Variants in MAGI2 observed in about 807,000 individuals in gnomAD.
The protein encoded by MAGI2 is membrane associated guanylate kinase, WW and PDZ domain containing 2, also known as membrane-associated guanylate kinase, WW and PDZ domain-containing protein 2.
Under a neutral mutation model 133.3 loss-of-function variants are expected in MAGI2, and 35 were observed. The ratio of observed to expected loss-of-function variants is 0.26; its 90% CI spans 0.20 to 0.35. The LOEUF (loss-of-function observed/expected upper bound fraction) is 0.35. Among genes scored for constraint, MAGI2 ranks in the 10% least tolerant of loss-of-function variants. The pLI, the probability that MAGI2 is intolerant of heterozygous loss-of-function variation, is 1.00. For synonymous variants in MAGI2, 729 were observed against 710.6 expected, an observed-to-expected ratio of 1.03 and a Z score of -0.41; for missense variants, 1,636 against 1,863.4, an observed-to-expected ratio of 0.88 and a Z score of 2.25.
rs145785336 is a variant in MAGI2, at chr7:79,050,918, T to C, written c.302-43712A>G. Among the ~76,000 whole-genome samples the C allele has an allele frequency of 4.6e-5, 7 of 152,316 alleles. No individual in the cohort carries two copies. In the East Asian group the frequency reaches 1.4e-3, roughly 29 times the overall value. On this transcript the variant is annotated intron_variant, in intron 1 of 21. Coordinates refer to ENST00000354212, the MANE Select transcript of MAGI2 (RefSeq NM_012301.4). ...TCACATCTAAAGACTTGTTATTCTA[T>C]TGAATATAATCCGACAGAATAAAAA... is the stretch of plus-strand genomic sequence containing the variant.
intron 2 of MAGI2, among the ~76,000 whole-genome samples, chr7:78,672,917 G>A (rs1403439749): frequency 6.6e-6 from 1 of 152,104 alleles, no homozygotes; most frequent in Non-Finnish European, 1.5e-5. Flanking sequence ...ACATCTAGGG[G>A]GTTGCAACAA....
chr7:78,688,950 T>C (rs1479203981), intron 2 of MAGI2, among the ~76,000 whole-genome samples: 2 of 152,210 alleles, frequency 1.3e-5, no homozygotes, highest in Admixed American at 6.5e-5. Flanking sequence ...GAAAATATAG[T>C]AGTCCAGGAA....
At chr7:79,358,488 G>A (rs564420655) in intron 1 of MAGI2, among the ~76,000 whole-genome samples, 8 of 152,078 alleles carry the variant, frequency 5.3e-5, no homozygotes, top group Non-Finnish European at 8.8e-5. Flanking sequence ...GTAGTCTATA[G>A]ATAAAAGGTT....
chr7:78,159,961 T>C, intron 16 of MAGI2, 64 bp downstream of exon 16: 1 of 1,501,316 alleles, frequency 6.7e-7, no homozygotes, highest in Non-Finnish European at 8.9e-7. Flanking sequence ...GTCCGGTATC[T>C]GTATCACTGG....
intron 10 of MAGI2, among the ~76,000 whole-genome samples, chr7:78,223,009 A>T (rs779613412): frequency 6.6e-6 from 1 of 152,208 alleles, no homozygotes; most frequent in African/African-American, 2.4e-5. Context: ...AAACATGGTT[A>T]TGGGGGGATA....
intron 1 of MAGI2, among the ~76,000 whole-genome samples, chr7:79,132,247 AAGT>A (rs1562925297): frequency 6.6e-6 from 1 of 152,088 alleles, no homozygotes; most frequent in East Asian, 1.9e-4. Flanking sequence ...CCCTTCACCT[AAGT>A]AGTATACATT....
chr7:78,923,334 G>A (rs200674032), intron 2 of MAGI2, among the ~76,000 whole-genome samples: 6 of 152,160 alleles, frequency 3.9e-5, no homozygotes, highest in Middle Eastern at 3.4e-3. Context: ...TAGGTCTAAC[G>A]TTTAAGTCTT....
intron 3 of MAGI2, among the ~76,000 whole-genome samples, chr7:78,546,226 A>G (rs1798821130): frequency 6.6e-6 from 1 of 152,184 alleles, no homozygotes; most frequent in Admixed American, 6.5e-5. Context: ...CTTGAACAAG[A>G]TTTTTGGCAG....
intron 1 of MAGI2, among the ~76,000 whole-genome samples, chr7:79,150,818 A>G (rs1469918727): frequency 6.6e-6 from 1 of 151,956 alleles, no homozygotes; most frequent in Non-Finnish European, 1.5e-5. Context: ...TAGTAACTAA[A>G]CCCTACTAGA....
intron 6 of MAGI2, among the ~76,000 whole-genome samples, chr7:78,477,983 T>C (rs1791957348): frequency 6.6e-6 from 1 of 151,886 alleles, no homozygotes; most frequent in African/African-American, 2.4e-5. Context: ...TGCAGGTTTG[T>C]TACACAGGTA....
Position 79,302,203 on chromosome 7 carries a change from G to C in MAGI2, c.301+150817C>G, listed in dbSNP as rs558888781. ...ACTGAGATTAATTTTAATCCTTCTG[G>C]AGCTAGGATACAAAGAAAAACAGGT... is the stretch of plus-strand genomic sequence containing the variant. On this transcript the variant is annotated intron_variant, in intron 1 of 21. Coordinates refer to ENST00000354212, the MANE Select transcript of MAGI2 (RefSeq NM_012301.4). Among the ~76,000 whole-genome samples the C allele has an allele frequency of 1.1e-4, 17 of 152,214 alleles. No homozygotes were observed. In the South Asian group the frequency reaches 2.7e-3, roughly 24 times the overall value.
chr7:78,501,540 CT>C, intron 5 of MAGI2, 36 bp downstream of exon 5: 1 of 1,558,606 alleles, frequency 6.4e-7, no homozygotes, highest in Non-Finnish European at 8.8e-7. Flanking sequence ...CCGCTATGAC[CT>C]TTTTGGCACT....
At chr7:79,180,950 T>C (rs1389778263) in intron 1 of MAGI2, among the ~76,000 whole-genome samples, 3 of 152,044 alleles carry the variant, frequency 2.0e-5, no homozygotes. Context: ...TGATCTCCTT[T>C]GACTTCATGT....
intron 2 of MAGI2, among the ~76,000 whole-genome samples, chr7:78,887,650 T>C (rs1796372855): frequency 2.0e-5 from 3 of 152,248 alleles, no homozygotes; most frequent in Admixed American, 2.0e-4. Flanking sequence ...CCAACTCCCA[T>C]TTCTTCTTTC....
intron 6 of MAGI2, among the ~76,000 whole-genome samples, chr7:78,458,611 A>G (rs1406801594): frequency 4.7e-5 from 7 of 149,978 alleles, no homozygotes; most frequent in Admixed American, 1.3e-4. Flanking sequence ...AAGGTAAATC[A>G]TCTTTGCTGC....
chr7:78,989,338 C>T (rs1025818371), intron 2 of MAGI2, among the ~76,000 whole-genome samples: 3 of 152,012 alleles, frequency 2.0e-5, no homozygotes, highest in Non-Finnish European at 4.4e-5. Context: ...GTCTTATACA[C>T]CAGTAGGAAA....
chr7:79,196,430 T>A (rs1042325149), intron 1 of MAGI2, among the ~76,000 whole-genome samples: 2 of 151,996 alleles, frequency 1.3e-5, no homozygotes, highest in African/African-American at 4.8e-5. Flanking sequence ...CCTGCTATAT[T>A]TCAAAAACAT....
chr7:78,345,397 G>A (rs1013717929), intron 8 of MAGI2: 2 of 152,726 alleles, frequency 1.3e-5, no homozygotes, highest in African/African-American at 4.8e-5. Flanking sequence ...ATCCCACTAC[G>A]TGGCTCCCAG....
At chr7:79,017,657 G>A (rs1368859821) in intron 1 of MAGI2, among the ~76,000 whole-genome samples, 3 of 152,210 alleles carry the variant, frequency 2.0e-5, no homozygotes, top group South Asian at 2.1e-4. Context: ...ATAGGAGAAA[G>A]TCAAAACCCA....
Sources: allele counts gnomAD v4.1 joint callset (sites outside exome capture counted in the v4.1 genomes callset), GRCh38; gene constraint gnomAD v4.1.1; transcripts MANE v1.5; gene names NCBI Gene and HGNC (gene_info 2026-07-23, HGNC 2026-07-21).